TMEM131L: variants seen among roughly 807,000 people sequenced by gnomAD.
The protein encoded by TMEM131L is transmembrane 131 like.
TMEM131L carries 54 observed loss-of-function variants against 192.2 expected under a neutral mutation model. The observed-to-expected ratio is 0.28, with a 90% CI of 0.23 to 0.35. The LOEUF (loss-of-function observed/expected upper bound fraction) is 0.35, where lower values mean the gene tolerates loss of function less well. Among genes scored for constraint, TMEM131L ranks in the 10% least tolerant of loss-of-function variants. The pLI is 1.00. For synonymous variants in TMEM131L, 701 were observed against 704.9 expected, an observed-to-expected ratio of 0.99 and a Z score of 0.09; for missense variants, 1,888 against 1,972.9, an observed-to-expected ratio of 0.96 and a Z score of 0.82.
chr4:153,471,442 C>T (rs1441059395), intron 2 of TMEM131L, among the ~76,000 whole-genome samples: 1 of 152,220 alleles, frequency 6.6e-6, no homozygotes, highest in South Asian at 2.1e-4. Flanking sequence ...CGTCCTAGTG[C>T]GGGAGAGGCA....
chr4:153,549,096 C>T (rs1001800442), intron 3 of TMEM131L, among the ~76,000 whole-genome samples: 1 of 152,146 alleles, frequency 6.6e-6, no homozygotes, highest in Non-Finnish European at 1.5e-5. Flanking sequence ...TCCAGAGTAG[C>T]TGGGATTACA....
intron 3 of TMEM131L, among the ~76,000 whole-genome samples, chr4:153,519,999 T>G (rs34536783): frequency 0.2 from 30,716 of 152,126 alleles, 5,567 homozygotes; most frequent in African/African-American, 0.47. Flanking sequence ...AGTTGCTCAG[T>G]GGAAGAACCA....
intron 3 of TMEM131L, among the ~76,000 whole-genome samples, chr4:153,499,044 T>G (rs1173639992): frequency 6.6e-6 from 1 of 152,230 alleles, no homozygotes; most frequent in East Asian, 1.9e-4. Context: ...TTGAATGTAG[T>G]CTTACGTAGA....
chr4:153,493,446 G>T (rs1732944471), intron 3 of TMEM131L, among the ~76,000 whole-genome samples: 1 of 151,772 alleles, frequency 6.6e-6, no homozygotes, highest in Admixed American at 6.6e-5. Flanking sequence ...GGATCACAAG[G>T]TCAGGAGTTC....
chr4:153,491,466 G>A (rs1288040639), intron 3 of TMEM131L, among the ~76,000 whole-genome samples: 1 of 151,850 alleles, frequency 6.6e-6, no homozygotes, highest in Non-Finnish European at 1.5e-5. Context: ...TTTTCTCAGT[G>A]GTCCTTATCA....
intron 16 of TMEM131L, 135 bp from the exon 17 acceptor site, chr4:153,590,918 A>G (rs572554619): frequency 4.0e-4 from 195 of 488,004 alleles, no homozygotes; most frequent in Non-Finnish European, 5.9e-4. Context: ...ACCTAGAATA[A>G]ACCATTTCCC....
chr4:153,467,795 T>A (rs1289761840), intron 2 of TMEM131L, among the ~76,000 whole-genome samples: 1 of 152,214 alleles, frequency 6.6e-6, no homozygotes, highest in Non-Finnish European at 1.5e-5. Flanking sequence ...GAATTTCTGG[T>A]TTTTTTCTCT....
intron 3 of TMEM131L, among the ~76,000 whole-genome samples, chr4:153,540,131 CAA>C (rs66469233): frequency 2.7e-5 from 4 of 145,796 alleles, no homozygotes; most frequent in African/African-American, 7.4e-5. Context: ...AACAAAAAAA[CAA>C]AAAAAAAAAC....
At chr4:153,576,373 T>C (rs1040080522) in intron 7 of TMEM131L, among the ~76,000 whole-genome samples, 1 of 152,222 alleles carries the variant, frequency 6.6e-6, no homozygotes, top group Non-Finnish European at 1.5e-5. Flanking sequence ...TGTGGGATTC[T>C]GAAATATGTC....
chr4:153,504,510 C>T (rs890479658), intron 3 of TMEM131L, among the ~76,000 whole-genome samples: 1 of 150,682 alleles, frequency 6.6e-6, no homozygotes, highest in African/African-American at 2.4e-5. Flanking sequence ...TAACTCCTGA[C>T]TTTGTGTGAC....
At chr4:153,470,462 CAT>C (rs112737655) in intron 2 of TMEM131L, among the ~76,000 whole-genome samples, 9,208 of 152,188 alleles carry the variant, frequency 0.061, 681 homozygotes, top group African/African-American at 0.18. Flanking sequence ...TATATACTCT[CAT>C]GTCATAAAAT....
chr4:153,494,742 G>A (rs551345354), intron 3 of TMEM131L, among the ~76,000 whole-genome samples: 63 of 152,300 alleles, frequency 4.1e-4, no homozygotes, highest in African/African-American at 1.5e-3. Flanking sequence ...GTGATTATGA[G>A]GCTATGGAAA....
chr4:153,633,218 T>A (rs1578914451), intron 32 of TMEM131L: 1 of 97,008 alleles, frequency 1.0e-5, no homozygotes, highest in South Asian at 2.0e-4. Context: ...TTTATTCGTT[T>A]GTTTATTTAT....
At chr4:153,620,974 T>C (rs982667891) in intron 27 of TMEM131L, 94 bp downstream of exon 27, 4 of 847,226 alleles carry the variant, frequency 4.7e-6, no homozygotes, top group African/African-American at 1.8e-5. Flanking sequence ...TTCGGTGATA[T>C]TAGATACCGA....
chr4:153,540,011 T>C (rs1211159670), intron 3 of TMEM131L, among the ~76,000 whole-genome samples: 5 of 152,014 alleles, frequency 3.3e-5, no homozygotes, highest in African/African-American at 1.2e-4. Flanking sequence ...TGGGGAAGGC[T>C]GAGGCAGGAG....
At chr4:153,615,941 T>A (rs1156780780) in intron 26 of TMEM131L, among the ~76,000 whole-genome samples, 1 of 152,184 alleles carries the variant, frequency 6.6e-6, no homozygotes, top group Admixed American at 6.5e-5. Context: ...GTTATGGCAG[T>A]TTTCTTAATT....
At chr4:153,563,991 T>G (rs1261930411) in intron 7 of TMEM131L, among the ~76,000 whole-genome samples, 1 of 151,840 alleles carries the variant, frequency 6.6e-6, no homozygotes, top group Non-Finnish European at 1.5e-5. Context: ...ATTGGTACCT[T>G]TAATAAAAGA....
chr4:153,612,957 G>C (rs185988300), intron 26 of TMEM131L, among the ~76,000 whole-genome samples: 1 of 152,240 alleles, frequency 6.6e-6, no homozygotes, highest in Non-Finnish European at 1.5e-5. Flanking sequence ...CAAATATAAA[G>C]AGTTGTGCAT....
intron 3 of TMEM131L, among the ~76,000 whole-genome samples, chr4:153,501,815 T>C (rs951905652): frequency 6.6e-6 from 1 of 151,970 alleles, no homozygotes; most frequent in African/African-American, 2.4e-5. Context: ...CTCCTCTGTC[T>C]CCTAATCCAA....
Sources: gnomAD v4.1 joint callset for allele counts (sites outside exome capture counted in the v4.1 genomes callset) on GRCh38, gnomAD v4.1.1 for gene constraint, MANE v1.5 for transcripts, NCBI Gene and HGNC (gene_info 2026-07-23, HGNC 2026-07-21) for gene names.